PSMA8: variants seen among roughly 807,000 people sequenced by gnomAD.
PSMA8 encodes the protein proteasome subunit alpha-type 8.
A neutral mutation model predicts 32.4 loss-of-function variants in PSMA8; 18 were observed. The observed-to-expected ratio is 0.56, with a 90% CI of 0.38 to 0.82. PSMA8 has a LOEUF of 0.82. Among genes scored for constraint, PSMA8 ranks in the 40% least tolerant of loss-of-function variants. PSMA8 has a pLI of 0.00. For synonymous variants in PSMA8, 104 were observed against 98.1 expected (o/e 1.06, Z -0.36); for missense variants, 298 against 300.7 (o/e 0.99, Z 0.07).
In PSMA8 at chr18:26,175,567, C is replaced by T. The variant is rs865789675; in HGVS notation, c.478-3263C>T. On this transcript the variant is annotated intron_variant, in intron 4 of 6. Transcript: ENST00000415576. ...AGGGAGCTCTTGTTAACCAGGGAACCTTCCCAAGGGAGTTAAGAGCTGAGG... is the reference window on the plus strand; with the variant it reads ...AGGGAGCTCTTGTTAACCAGGGAACTTTCCCAAGGGAGTTAAGAGCTGAGG... 3.3e-5 allele frequency among the ~76,000 whole-genome samples: 5 copies of T among 152,296 alleles called. No homozygotes were observed. The South Asian group carries it at 8.3e-4, about 25-fold the overall frequency.
At chr18:26,153,885 T>C (rs1463270164) in intron 3 of PSMA8, among the ~76,000 whole-genome samples, 1 of 152,100 alleles carries the variant, frequency 6.6e-6, no homozygotes, top group Non-Finnish European at 1.5e-5. Context: ...AGTTTTACCA[T>C]TTGTTTTATT....
In PSMA8 at chr18:26,144,825, A is replaced by G. The variant is rs1484594218; in HGVS notation, c.229+140A>G. ...ACAATATATCCTACGTTTTAAAGCAAATACTAACTTTGTAAACCAGGATTT... is the reference window on the plus strand; with the variant it reads ...ACAATATATCCTACGTTTTAAAGCAGATACTAACTTTGTAAACCAGGATTT... On this transcript the variant is annotated intron_variant, in intron 2 of 6. Coordinates refer to ENST00000415576, the MANE Select transcript of PSMA8 (RefSeq NM_001025096.2). The G allele has an allele frequency of 6.0e-6, 4 of 666,054 alleles. No homozygotes were observed. In the African/African-American group the frequency reaches 7.4e-5, roughly 12 times the overall value. The allele number at this position is 666,054 out of a possible 1,614,324, so 41.3% of individuals were successfully genotyped here. A position where few individuals can be genotyped will look rare whatever the true frequency, so the allele number is the denominator to read the frequency against.
chr18:26,182,463 A>C (rs1022270057), intron 6 of PSMA8, among the ~76,000 whole-genome samples: 1 of 152,220 alleles, frequency 6.6e-6, no homozygotes, highest in African/African-American at 2.4e-5. Context: ...TTTATAGCAT[A>C]GTATACTGAA....
chr18:26,149,801 T>TGA (rs1445891223), intron 2 of PSMA8, among the ~76,000 whole-genome samples: 3 of 152,090 alleles, frequency 2.0e-5, no homozygotes, highest in Admixed American at 2.0e-4. Flanking sequence ...ATGAAAGACC[T>TGA]AAACATAAGA....
At chr18:26,189,533 CA>C (rs1303661778) in intron 6 of PSMA8, among the ~76,000 whole-genome samples, 2 of 150,770 alleles carry the variant, frequency 1.3e-5, no homozygotes, top group Non-Finnish European at 3.0e-5. Context: ...ACCCCATCTC[CA>C]AAAAAAAGGT....
At chr18:26,136,097 A>G (rs1159401627) in intron 1 of PSMA8, among the ~76,000 whole-genome samples, 2 of 152,232 alleles carry the variant, frequency 1.3e-5, no homozygotes, top group African/African-American at 4.8e-5. Context: ...ACTATTTAGT[A>G]ATATAAAAAT....
intron 6 of PSMA8, among the ~76,000 whole-genome samples, chr18:26,184,245 C>T (rs1162524722): frequency 6.6e-6 from 1 of 150,566 alleles, no homozygotes; most frequent in Admixed American, 6.6e-5. Context: ...CTGTTTCAGT[C>T]ATTTATTCTG....
At chr18:26,170,848 T>G in intron 4 of PSMA8, 1 of 1,559,282 alleles carries the variant, frequency 6.4e-7, no homozygotes, top group Non-Finnish European at 8.5e-7. Flanking sequence ...GGAAAAAACG[T>G]GTCACTTTCA....
intron 1 of PSMA8, among the ~76,000 whole-genome samples, chr18:26,136,597 C>T (rs1459368404): frequency 6.6e-6 from 1 of 152,160 alleles, no homozygotes; most frequent in Non-Finnish European, 1.5e-5. Flanking sequence ...ATAATGAAGC[C>T]TTCTCTGATC....
At chr18:26,182,133 A>G (rs1031466148) in intron 6 of PSMA8, among the ~76,000 whole-genome samples, 11 of 152,228 alleles carry the variant, frequency 7.2e-5, no homozygotes, top group African/African-American at 2.2e-4. Context: ...GGTTTAAGGA[A>G]AGAAGCCACC....
chr18:26,182,462 T>C (rs545638940), intron 6 of PSMA8, among the ~76,000 whole-genome samples: 15 of 152,316 alleles, frequency 9.8e-5, no homozygotes, highest in African/African-American at 3.4e-4. Flanking sequence ...ATTTATAGCA[T>C]AGTATACTGA....
intron 5 of PSMA8, 43 bp from the exon 6 acceptor site, chr18:26,179,025 A>G: frequency 6.2e-7 from 1 of 1,607,120 alleles, no homozygotes; most frequent in Non-Finnish European, 8.5e-7. Flanking sequence ...TTAAACACAA[A>G]ATTTGCTGAA....
intron 4 of PSMA8, chr18:26,171,353 A>C (rs1443306488): frequency 1.3e-5 from 18 of 1,391,856 alleles, no homozygotes; most frequent in Non-Finnish European, 1.6e-5. Flanking sequence ...TTGGCGCGAA[A>C]TTGTCGGTAT....
chr18:26,179,295 T>A (rs1047253456), intron 6 of PSMA8, among the ~76,000 whole-genome samples, 165 bp downstream of exon 6: 2 of 132,760 alleles, frequency 1.5e-5, no homozygotes, highest in Admixed American at 1.5e-4. Flanking sequence ...TTGTTTTTTG[T>A]GTTTTTTTTT....
intron 6 of PSMA8, among the ~76,000 whole-genome samples, chr18:26,185,572 G>A (rs2055346395): frequency 6.6e-6 from 1 of 150,782 alleles, no homozygotes; most frequent in South Asian, 2.1e-4. Flanking sequence ...GAAGACTGAA[G>A]ACATCCTTAG....
intron 2 of PSMA8, among the ~76,000 whole-genome samples, chr18:26,147,657 C>A (rs2055014712): frequency 1.3e-5 from 2 of 152,036 alleles, no homozygotes; most frequent in East Asian, 1.9e-4. Flanking sequence ...GTGTTTTTAG[C>A]TTTCTACTGT....
chr18:26,174,168 C>T (rs2055246608), intron 4 of PSMA8, among the ~76,000 whole-genome samples: 1 of 152,154 alleles, frequency 6.6e-6, no homozygotes, highest in South Asian at 2.1e-4. Flanking sequence ...TTATAGCATT[C>T]GGATCATGAA....
rs1249292110 is a variant in PSMA8, at chr18:26,163,231, A to G, written c.477+4987A>G. On this transcript the variant is annotated intron_variant, in intron 4 of 6. Coordinates refer to ENST00000415576, the MANE Select transcript of PSMA8 (RefSeq NM_001025096.2). ...TGTGTGTGTATATATATATATATATATATATATATATATATATATATATAT... is the reference window on the plus strand; with the variant it reads ...TGTGTGTGTATATATATATATATATGTATATATATATATATATATATATAT... Among the ~76,000 whole-genome samples the G allele has an allele frequency of 2.3e-3, 243 of 107,164 alleles. 11 individuals are homozygous for G. Among genetic ancestry groups the G allele is most frequent in the African/African-American group, 9.0e-3 (216 of 24,062 alleles). The allele number at this position is 107,164 out of a possible 152,430, so 70.3% of individuals were successfully genotyped here.
At chr18:26,154,691 A>G (rs933744648) in intron 3 of PSMA8, among the ~76,000 whole-genome samples, 7 of 152,136 alleles carry the variant, frequency 4.6e-5, no homozygotes, top group Non-Finnish European at 8.8e-5. Context: ...TTCTTGGCTC[A>G]CTGCAACCTC....
Sources: gnomAD v4.1 joint callset for allele counts (sites outside exome capture counted in the v4.1 genomes callset) on GRCh38, gnomAD v4.1.1 for gene constraint, MANE v1.5 for transcripts, NCBI Gene and HGNC (gene_info 2026-07-23, HGNC 2026-07-21) for gene names.